Variants in CDKAL1 observed in about 807,000 individuals in gnomAD.
The protein encoded by CDKAL1 is threonylcarbamoyladenosine tRNA methylthiotransferase.
Under a neutral mutation model 68.2 loss-of-function variants are expected in CDKAL1, and 32 were observed. The ratio of observed to expected loss-of-function variants is 0.47; its 90% CI spans 0.35 to 0.63. The LOEUF (loss-of-function observed/expected upper bound fraction) is 0.63, where lower values mean the gene tolerates loss of function less well. Among genes scored for constraint, CDKAL1 ranks in the 30% least tolerant of loss-of-function variants. The pLI is 0.00. For synonymous variants in CDKAL1, 234 were observed against 244.3 expected (o/e 0.96, Z 0.39); for missense variants, 606 against 696.7 (o/e 0.87, Z 1.47).
chr6:20,558,338 T>C (rs1318898193), intron 4 of CDKAL1, among the ~76,000 whole-genome samples: 3 of 152,164 alleles, frequency 2.0e-5, no homozygotes, highest in Admixed American at 2.0e-4. Flanking sequence ...TTTGATAGCT[T>C]CCCTACCTTT....
At chr6:21,146,307 G>A (rs1010634778) in intron 13 of CDKAL1, among the ~76,000 whole-genome samples, 9 of 152,070 alleles carry the variant, frequency 5.9e-5, no homozygotes, top group Admixed American at 1.3e-4. Flanking sequence ...TAATGTCTTC[G>A]TGGAGTACCA....
intron 4 of CDKAL1, among the ~76,000 whole-genome samples, chr6:20,560,210 C>T (rs1332474900): frequency 1.3e-5 from 2 of 152,046 alleles, no homozygotes; most frequent in African/African-American, 2.4e-5. Context: ...AATTATTAGG[C>T]GTCATTAAAT....
chr6:20,609,315 C>T (rs1435802037), intron 4 of CDKAL1, among the ~76,000 whole-genome samples: 1 of 146,926 alleles, frequency 6.8e-6, no homozygotes, highest in African/African-American at 2.5e-5. Flanking sequence ...TCCTCCTCCC[C>T]CCTCCTCTCT....
chr6:20,976,895 A>G (rs1765871036), intron 10 of CDKAL1, among the ~76,000 whole-genome samples: 1 of 152,232 alleles, frequency 6.6e-6, no homozygotes, highest in Non-Finnish European at 1.5e-5. Flanking sequence ...CAGTTCACCC[A>G]TTCTCCTGTT....
intron 10 of CDKAL1, among the ~76,000 whole-genome samples, chr6:20,997,955 T>C (rs1767207874): frequency 1.3e-5 from 2 of 152,204 alleles, no homozygotes; most frequent in African/African-American, 4.8e-5. Context: ...TACTGGATTA[T>C]CTTAATTTAT....
At chr6:21,216,628 G>A (rs1779347595) in intron 15 of CDKAL1, among the ~76,000 whole-genome samples, 1 of 152,118 alleles carries the variant, frequency 6.6e-6, no homozygotes, top group African/African-American at 2.4e-5. Flanking sequence ...ATGGAGAAGA[G>A]GGAGGTTAGC....
intron 4 of CDKAL1, among the ~76,000 whole-genome samples, chr6:20,609,303 C>CTTCTCCTT (rs1561963106): frequency 3.6e-5 from 1 of 27,824 alleles, no homozygotes; most frequent in South Asian, 2.0e-3. Context: ...TCCTTCTCCT[C>CTTCTCCTT]CTCCTCCTCC....
At chr6:20,992,016 C>T (rs867123642) in intron 10 of CDKAL1, among the ~76,000 whole-genome samples, 1 of 131,626 alleles carries the variant, frequency 7.6e-6, no homozygotes, top group Admixed American at 8.5e-5. Flanking sequence ...TTTCCCCCAC[C>T]TTTTTTTTTC....
chr6:20,918,705 C>T (rs959252273), intron 9 of CDKAL1, among the ~76,000 whole-genome samples: 1 of 152,196 alleles, frequency 6.6e-6, no homozygotes, highest in African/African-American at 2.4e-5. Context: ...AATTCTCTTA[C>T]TTCCGCTTCT....
chr6:20,748,544 C>A (rs1773759718), intron 6 of CDKAL1, among the ~76,000 whole-genome samples: 2 of 104,378 alleles, frequency 1.9e-5, no homozygotes, highest in East Asian at 3.0e-4. Flanking sequence ...GAGAGCAAGA[C>A]TCTGTTTCTG....
chr6:20,901,854 G>T (rs371360408), intron 9 of CDKAL1, among the ~76,000 whole-genome samples: 1 of 151,588 alleles, frequency 6.6e-6, no homozygotes, highest in Non-Finnish European at 1.5e-5. Context: ...TCAGCTCACT[G>T]CAACCTCTGC....
chr6:20,820,549 G>A (rs1049457977), intron 8 of CDKAL1, among the ~76,000 whole-genome samples: 1 of 152,278 alleles, frequency 6.6e-6, no homozygotes, highest in South Asian at 2.1e-4. Flanking sequence ...GATTTACCCT[G>A]TCCATGTGCA....
At position 21,231,138 on chromosome 6, in the gene CDKAL1, T is replaced by C; in HGVS notation, c.*99T>C. ...ATCTCCATTCTCCAAGGGCAATAAT[T>C]TGTACTGGTCATGCTGCCTCCTTCT... On this transcript the variant is annotated 3_prime_UTR_variant, in exon 16 of 16. Coordinates refer to ENST00000274695, the MANE Select transcript of CDKAL1 (RefSeq NM_017774.3). 1 of 928,958 alleles carries C rather than the reference T, an allele frequency of 1.1e-6. No homozygotes were observed. Among genetic ancestry groups the C allele is most frequent in the Non-Finnish European group, 1.6e-6 (1 of 627,342 alleles). 57.5% of individuals were successfully genotyped at this position (928,958 alleles called of 1,614,324 possible).
chr6:20,612,041 T>A (rs1766640190), intron 4 of CDKAL1, among the ~76,000 whole-genome samples: 1 of 152,228 alleles, frequency 6.6e-6, no homozygotes, highest in South Asian at 2.1e-4. Flanking sequence ...CTTAATGTAA[T>A]GATTTCCAGT....
chr6:21,100,161 T>C (rs910979698), intron 12 of CDKAL1, among the ~76,000 whole-genome samples: 1 of 151,928 alleles, frequency 6.6e-6, no homozygotes, highest in Non-Finnish European at 1.5e-5. Context: ...GCAACTTCCT[T>C]CCTCTAAGGT....
intron 7 of CDKAL1, among the ~76,000 whole-genome samples, chr6:20,766,114 G>A (rs115914139): frequency 1.2e-4 from 18 of 152,158 alleles, no homozygotes; most frequent in Middle Eastern, 6.8e-3. Context: ...ATGGCAGAAT[G>A]GTCTTACATG....
At chr6:21,100,747 T>C (rs1439011405) in intron 12 of CDKAL1, among the ~76,000 whole-genome samples, 1 of 152,158 alleles carries the variant, frequency 6.6e-6, no homozygotes, top group Non-Finnish European at 1.5e-5. Flanking sequence ...TTATAATTGA[T>C]TTCTAAAACT....
chr6:20,626,112 T>C (rs1767421491), intron 4 of CDKAL1, among the ~76,000 whole-genome samples: 1 of 152,204 alleles, frequency 6.6e-6, no homozygotes, highest in South Asian at 2.1e-4. Flanking sequence ...TTTTGTTACA[T>C]TTTTTTCTTC....
chr6:20,682,933 G>A (rs9350271), intron 5 of CDKAL1, among the ~76,000 whole-genome samples: 61,509 of 148,998 alleles, frequency 0.41, 14,239 homozygotes, highest in African/African-American at 0.64. Flanking sequence ...TAAAATAGTA[G>A]CTCTTTTCTT....
Sources: allele counts gnomAD v4.1 joint callset (sites outside exome capture counted in the v4.1 genomes callset), GRCh38; gene constraint gnomAD v4.1.1; transcripts MANE v1.5; gene names NCBI Gene and HGNC (gene_info 2026-07-23, HGNC 2026-07-21).